Variants in DMD observed in about 807,000 individuals in gnomAD.
The protein encoded by DMD is dystrophin.
A neutral mutation model predicts 330.1 loss-of-function variants in DMD; 63 were observed. The observed-to-expected ratio is 0.19, with a 90% confidence interval of 0.16 to 0.24. DMD has a LOEUF of 0.24. Among genes scored for constraint, DMD ranks in the 10% least tolerant of loss-of-function variants. DMD has a pLI of 1.00. For missense variants in DMD, 3,344 were observed against 2,684.1 expected (o/e 1.25, Z -5.43); for synonymous variants, 1,223 against 959.8 (o/e 1.27, Z -5.07).
chrX:31,345,425 T>A (rs1004064612), intron 61 of DMD, among the ~76,000 whole-genome samples: 6 of 112,095 alleles, frequency 5.4e-5, no homozygotes, highest in Non-Finnish European at 1.1e-4. Flanking sequence ...AAGTACACAT[T>A]AAACTTTACC....
chrX:31,388,671 G>C (rs1569536812), intron 60 of DMD, among the ~76,000 whole-genome samples: 1 of 111,998 alleles, frequency 8.9e-6, no homozygotes, highest in East Asian at 2.8e-4. Flanking sequence ...GGAGGCCAAG[G>C]TGGGCGGATC....
At chrX:32,051,575 A>G (rs1489896531) in intron 44 of DMD, among the ~76,000 whole-genome samples, 1 of 110,000 alleles carries the variant, frequency 9.1e-6, no homozygotes, top group African/African-American at 3.3e-5. Flanking sequence ...CACACTAGAT[A>G]TAGGTGAAGT....
chrX:32,931,586 C>T (rs771001973), intron 2 of DMD, among the ~76,000 whole-genome samples: 1 of 111,165 alleles, frequency 9.0e-6, no homozygotes, highest in Non-Finnish European at 1.9e-5. Flanking sequence ...AACGTATAAG[C>T]ATATAAGTGT....
intron 76 of DMD, among the ~76,000 whole-genome samples, chrX:31,144,391 A>T (rs1569337566): frequency 8.9e-6 from 1 of 111,791 alleles, no homozygotes. Context: ...TCCAAGTAAA[A>T]TCTTCAGCAG....
At chrX:32,094,294 C>T (rs1167795083) in intron 44 of DMD, among the ~76,000 whole-genome samples, 1 of 111,421 alleles carries the variant, frequency 9.0e-6, no homozygotes, top group African/African-American at 3.3e-5. Context: ...GAATTAGTGG[C>T]AATAATAAAT....
At chrX:31,989,295 T>G (rs1443629378) in intron 44 of DMD, among the ~76,000 whole-genome samples, 1 of 112,147 alleles carries the variant, frequency 8.9e-6, no homozygotes, top group Admixed American at 9.4e-5. Context: ...ACACATGAAA[T>G]TAACCATCAC....
chrX:33,161,103 GAAA>G (rs1360327225), intron 1 of DMD, among the ~76,000 whole-genome samples: 1 of 111,271 alleles, frequency 9.0e-6, no homozygotes, highest in Admixed American at 9.6e-5. Flanking sequence ...AACATTAAAG[GAAA>G]AATTACTGTC....
At chrX:31,181,430 T>G (rs1451515982) in intron 68 of DMD, among the ~76,000 whole-genome samples, 1 of 111,410 alleles carries the variant, frequency 9.0e-6, no homozygotes, top group Non-Finnish European at 1.9e-5. Context: ...AAGGCATTCT[T>G]CTTCTTTATT....
In DMD at chrX:31,478,304, A is replaced by G. The variant is rs1361965769; in HGVS notation, c.8739T>C (p.Thr2913=). The change falls in exon 59 of 79, where the codon ACT becomes ACC. Residue 2913 remains threonine, a synonymous_variant. Transcript: ENST00000357033. ...LLRKQAEEVN[T]EWEKLNLHSA... ...AGTGCAGGTTCAATTTTTCCCACTCAGTATTGACCTCCTCAGCCTGCTTTC... is the reference window on the plus strand; with the variant it reads ...AGTGCAGGTTCAATTTTTCCCACTCGGTATTGACCTCCTCAGCCTGCTTTC... The G allele has an allele frequency of 1.7e-6, 2 of 1,209,442 alleles. No homozygotes were observed. The highest frequency in any genetic ancestry group is 1.8e-5 in the African/African-American group (1 of 57,017).
intron 47 of DMD, among the ~76,000 whole-genome samples, chrX:31,927,777 T>C (rs1171037546): frequency 1.8e-5 from 2 of 111,882 alleles, no homozygotes; most frequent in African/African-American, 6.5e-5. Flanking sequence ...GTTATTAGAA[T>C]GTCAGCATCA....
At chrX:32,133,357 C>T (rs2096708842) in intron 44 of DMD, among the ~76,000 whole-genome samples, 1 of 111,017 alleles carries the variant, frequency 9.0e-6, no homozygotes. Context: ...CAATCCACCT[C>T]TTAATGTTAG....
intron 18 of DMD, chrX:32,517,178 T>C (rs887017721): frequency 1.8e-5 from 2 of 111,909 alleles, no homozygotes; most frequent in Non-Finnish European, 3.8e-5. Flanking sequence ...AATATACACA[T>C]TTAGATGTGA....
At chrX:32,556,007 A>G (rs808587) in intron 16 of DMD, among the ~76,000 whole-genome samples, 20,319 of 111,592 alleles carry the variant, frequency 0.18, 1,694 homozygotes, top group East Asian at 0.42. Flanking sequence ...GCACAGCAAA[A>G]TAAACTACCG....
intron 2 of DMD, among the ~76,000 whole-genome samples, chrX:32,988,444 T>C (rs930729230): frequency 8.9e-6 from 1 of 112,084 alleles, no homozygotes; most frequent in Non-Finnish European, 1.9e-5. Context: ...CGACCGTGTA[T>C]GACAAAATAA....
At chrX:31,756,989 CTTT>C (rs72154168) in intron 51 of DMD, among the ~76,000 whole-genome samples, 1 of 102,151 alleles carries the variant, frequency 9.8e-6, no homozygotes. Flanking sequence ...GTTTGTTTTG[CTTT>C]TTTTTTTTAC....
At chrX:32,741,497 C>A (rs781513164) in intron 7 of DMD, among the ~76,000 whole-genome samples, 13 of 111,580 alleles carry the variant, frequency 1.2e-4, no homozygotes, top group Non-Finnish European at 1.5e-4. Flanking sequence ...AAGGTGATAT[C>A]CATGAGTCCA....
intron 53 of DMD, among the ~76,000 whole-genome samples, chrX:31,664,140 A>G (rs921469704): frequency 3.1e-4 from 35 of 111,468 alleles, no homozygotes; most frequent in African/African-American, 1.1e-3. Flanking sequence ...AGAGGCTTGA[A>G]ATGTATTTAT....
At chrX:33,114,111 T>A (rs2095362839) in intron 1 of DMD, among the ~76,000 whole-genome samples, 1 of 104,868 alleles carries the variant, frequency 9.5e-6, no homozygotes, top group African/African-American at 3.7e-5. Context: ...ATATTATTAT[T>A]ATTTTTTTTT....
intron 1 of DMD, among the ~76,000 whole-genome samples, chrX:33,045,227 G>A (rs1032771746): frequency 9.1e-6 from 1 of 109,704 alleles, no homozygotes; most frequent in African/African-American, 3.3e-5. Context: ...AGTTGCCTGT[G>A]ATAACAATTC....
Sources: gnomAD v4.1 joint callset for allele counts (sites outside exome capture counted in the v4.1 genomes callset) on GRCh38, gnomAD v4.1.1 for gene constraint, MANE v1.5 for transcripts, NCBI Gene and HGNC (gene_info 2026-07-23, HGNC 2026-07-21) for gene names.